ETNK1: variants seen among roughly 807,000 people sequenced by gnomAD.
The protein encoded by ETNK1 is putative protein product of Nbla10396.
ETNK1 carries 8 observed loss-of-function variants against 45.1 expected under a neutral mutation model. The ratio of observed to expected loss-of-function variants is 0.18; its 90% CI spans 0.10 to 0.32. The LOEUF is 0.32. Ranked by LOEUF, ETNK1 falls within the 10% of genes least tolerant of loss-of-function variation. The pLI is 1.00. For missense variants in ETNK1, 302 were observed against 430.6 expected (o/e 0.70, Z 2.64); for synonymous variants, 152 against 151.9 (o/e 1.00, Z -0.01).
chr12:22,630,230 A>G (rs1013614412), intron 1 of ETNK1, among the ~76,000 whole-genome samples: 1 of 152,204 alleles, frequency 6.6e-6, no homozygotes, highest in Admixed American at 6.5e-5. Flanking sequence ...ACAATTACGC[A>G]TCGCATGTTT....
In ETNK1 at chr12:22,635,463, C is replaced by T. The variant is rs377248087; in HGVS notation, c.157-8300C>T. Among the ~76,000 whole-genome samples, 3 of 152,320 alleles carry T rather than the reference C, an allele frequency of 2.0e-5. 1 individual carries two copies. Among genetic ancestry groups the T allele is most frequent in the African/African-American group, 7.2e-5 (3 of 41,562 alleles). ...AAGTAAAGCGTTGTTCCATGCAGTGCTTGACTGTGCATCGTGTTTTCTTTG... is the reference window on the plus strand; with the variant it reads ...AAGTAAAGCGTTGTTCCATGCAGTGTTTGACTGTGCATCGTGTTTTCTTTG... On this transcript the variant is annotated intron_variant, in intron 1 of 7. Coordinates refer to ENST00000266517, the MANE Select transcript of ETNK1 (RefSeq NM_018638.5).
At chr12:22,636,087 T>C (rs1229278548) in intron 1 of ETNK1, among the ~76,000 whole-genome samples, 2 of 152,054 alleles carry the variant, frequency 1.3e-5, no homozygotes, top group Non-Finnish European at 2.9e-5. Flanking sequence ...TGCTTCAGCC[T>C]GGGAGGTTGA....
chr12:22,640,190 T>C (rs1953716860), intron 1 of ETNK1, among the ~76,000 whole-genome samples: 1 of 152,176 alleles, frequency 6.6e-6, no homozygotes, highest in Admixed American at 6.5e-5. Flanking sequence ...TGAGAATCCA[T>C]TATTAATTTC....
chr12:22,654,128 C>G (rs1312583428), intron 2 of ETNK1, among the ~76,000 whole-genome samples: 1 of 152,174 alleles, frequency 6.6e-6, no homozygotes, highest in Admixed American at 6.5e-5. Context: ...ATTTACTTGC[C>G]CCTTCTACCA....
chr12:22,683,845 G>C (rs1954235795), intron 6 of ETNK1, among the ~76,000 whole-genome samples: 2 of 152,196 alleles, frequency 1.3e-5, no homozygotes, highest in East Asian at 3.9e-4. Flanking sequence ...ATCTTGTTCA[G>C]ATTTTAAAAT....
intron 4 of ETNK1, among the ~76,000 whole-genome samples, chr12:22,663,242 A>G (rs1237477585): frequency 6.6e-6 from 1 of 152,190 alleles, no homozygotes; most frequent in African/African-American, 2.4e-5. Context: ...GCATTAAAGC[A>G]GTGTATGAGC....
At chr12:22,661,642 T>A (rs2137557623) in intron 4 of ETNK1, among the ~76,000 whole-genome samples, 1 of 152,308 alleles carries the variant, frequency 6.6e-6, no homozygotes, top group Admixed American at 6.5e-5. Context: ...AAAACAAATG[T>A]GTCTCCAGGT....
intron 1 of ETNK1, among the ~76,000 whole-genome samples, chr12:22,632,543 A>G (rs776678860): frequency 6.6e-6 from 1 of 151,552 alleles, no homozygotes; most frequent in Admixed American, 6.6e-5. Context: ...GGGGTCTCAT[A>G]CTGTTATCCA....
At chr12:22,628,561 C>T (rs192001721) in intron 1 of ETNK1, among the ~76,000 whole-genome samples, 2 of 152,050 alleles carry the variant, frequency 1.3e-5, no homozygotes, top group South Asian at 2.1e-4. Flanking sequence ...GGAGAGTCAT[C>T]GTATAAAGGA....
intron 4 of ETNK1, among the ~76,000 whole-genome samples, chr12:22,670,425 G>A (rs1233011479): frequency 6.6e-6 from 1 of 150,684 alleles, no homozygotes; most frequent in Non-Finnish European, 1.5e-5. Flanking sequence ...CTCGAATATA[G>A]GACCTATATC....
At chr12:22,628,984 A>G (rs138274093) in intron 1 of ETNK1, among the ~76,000 whole-genome samples, 1,800 of 152,196 alleles carry the variant, frequency 0.012, 21 homozygotes, top group Non-Finnish European at 0.019. Flanking sequence ...TCCAGATTCT[A>G]TACTTTACTA....
intron 1 of ETNK1, among the ~76,000 whole-genome samples, chr12:22,640,060 A>T (rs907177425): frequency 6.6e-6 from 1 of 152,216 alleles, no homozygotes; most frequent in African/African-American, 2.4e-5. Context: ...AATATTAAGC[A>T]ATTAAAAAGT....
intron 6 of ETNK1, among the ~76,000 whole-genome samples, chr12:22,680,888 CT>C (rs777992317): frequency 0.17 from 7,837 of 46,064 alleles, 637 homozygotes; most frequent in South Asian, 0.29. Flanking sequence ...TGGAGCTTTT[CT>C]TCCCCCGCCC....
chr12:22,679,031 C>T (rs542426380), intron 6 of ETNK1, among the ~76,000 whole-genome samples: 17 of 152,312 alleles, frequency 1.1e-4, no homozygotes, highest in African/African-American at 3.8e-4. Flanking sequence ...TTTGTATTGG[C>T]ATTCTCCAGA....
Position 22,661,070 on chromosome 12 carries a change from A to G in ETNK1, c.565A>G (p.Ser189Gly), listed in dbSNP as rs762989356. The change falls in exon 4 of 8, where the codon AGT (serine) becomes GGT (glycine). Residue 189 changes from serine (S) to glycine (G), a missense_variant. Transcript: ENST00000266517. The part of the protein sequence containing the change: ...ADEDINKRFL[S>G]DIPSSQILQE... ...TTCTTTTAAAACTAAAAGGTTCCTAAGTGATATCCCAAGCTCTCAGATTCT... is the reference window on the plus strand; with the variant it reads ...TTCTTTTAAAACTAAAAGGTTCCTAGGTGATATCCCAAGCTCTCAGATTCT... 1 of 1,606,702 alleles carries G rather than the reference A, an allele frequency of 6.2e-7. No homozygotes were observed. Among genetic ancestry groups the G allele is most frequent in the Non-Finnish European group, 8.5e-7 (1 of 1,178,220 alleles).
At chr12:22,657,526 A>G (rs1437097527) in intron 2 of ETNK1, among the ~76,000 whole-genome samples, 2 of 151,980 alleles carry the variant, frequency 1.3e-5, no homozygotes, top group African/African-American at 4.8e-5. Flanking sequence ...TTTTCTCACA[A>G]ACTTTCCTTA....
chr12:22,682,192 C>G (rs989948156), intron 6 of ETNK1: 6 of 294,664 alleles, frequency 2.0e-5, no homozygotes, highest in South Asian at 6.0e-5. Flanking sequence ...ATATCACCAC[C>G]AGTGTCATCA....
At chr12:22,639,326 C>T (rs1953699230) in intron 1 of ETNK1, among the ~76,000 whole-genome samples, 1 of 151,978 alleles carries the variant, frequency 6.6e-6, no homozygotes, top group Non-Finnish European at 1.5e-5. Context: ...GGATTATAGG[C>T]ATGAGCCACC....
intron 4 of ETNK1, among the ~76,000 whole-genome samples, chr12:22,670,355 A>T (rs1260130499): frequency 1.3e-5 from 2 of 148,382 alleles, no homozygotes; most frequent in Admixed American, 6.8e-5. Flanking sequence ...TGGTGAAGAC[A>T]GTGACCCACA....
Sources: gnomAD v4.1 joint callset for allele counts (sites outside exome capture counted in the v4.1 genomes callset) on GRCh38, gnomAD v4.1.1 for gene constraint, MANE v1.5 for transcripts, NCBI Gene and HGNC (gene_info 2026-07-23, HGNC 2026-07-21) for gene names.